CYP39A1: variants seen among roughly 807,000 people sequenced by gnomAD.
CYP39A1 encodes the protein cytochrome P450 family 39 subfamily A member 1, also known as 24-hydroxycholesterol 7-alpha-hydroxylase.
In CYP39A1, 49 loss-of-function variants were observed where a neutral mutation model predicts 58.1. The observed-to-expected ratio is 0.84, with a 90% confidence interval of 0.67 to 1.07. CYP39A1 has a LOEUF of 1.07. CYP39A1 is among the 50% of genes least tolerant of loss of function. The pLI is 0.00. For synonymous variants in CYP39A1, 209 were observed against 187.6 expected (o/e 1.11, Z -0.93); for missense variants, 531 against 539.4 (o/e 0.98, Z 0.16).
At chr6:46,567,112 G>A (rs924313008) in intron 10 of CYP39A1, among the ~76,000 whole-genome samples, 1 of 152,010 alleles carries the variant, frequency 6.6e-6, no homozygotes, top group South Asian at 2.1e-4. Context: ...TCTTGTAACT[G>A]AAAGCTTGTA....
At chr6:46,585,906 G>C (rs1643802814) in intron 10 of CYP39A1, among the ~76,000 whole-genome samples, 1 of 152,008 alleles carries the variant, frequency 6.6e-6, no homozygotes, top group African/African-American at 2.4e-5. Context: ...ATGCTTCCTT[G>C]TTCATATCCA....
At position 46,639,518 on chromosome 6, in the gene CYP39A1, G is replaced by A. The variant is rs1470945525; in HGVS notation, c.464C>T (p.Thr155Ile). ...EQLENLGTHG[T>I]MDLNNLVRHL... ...CCTTACTAAGTTGTTCAGGTCCATT[G>A]TCCCATGAGTGCCTAAATTCTCCAG... The change falls in exon 3 of 12, where the codon ACA becomes ATA. Residue 155 changes from threonine to isoleucine, a missense_variant. Coordinates refer to ENST00000275016, the MANE Select transcript of CYP39A1 (RefSeq NM_016593.5). 6.2e-7 allele frequency: 1 copy of A among 1,614,028 alleles called. No homozygotes were observed. Among genetic ancestry groups the A allele is most frequent in the South Asian group, 1.1e-5 (1 of 91,082 alleles).
chr6:46,582,768 T>C (rs562554760), intron 10 of CYP39A1, among the ~76,000 whole-genome samples: 46 of 152,190 alleles, frequency 3.0e-4, no homozygotes, highest in Non-Finnish European at 2.6e-4. Flanking sequence ...TCTTTGACTC[T>C]TCCCAGTTTT....
At chr6:46,581,925 T>G (rs1772155975) in intron 10 of CYP39A1, among the ~76,000 whole-genome samples, 1 of 152,216 alleles carries the variant, frequency 6.6e-6, no homozygotes, top group African/African-American at 2.4e-5. Context: ...CAATGGTTTC[T>G]ATGCTCCTTT....
chr6:46,642,335 T>A (rs775473124), intron 1 of CYP39A1, 37 bp from the exon 2 acceptor site: 2 of 1,584,860 alleles, frequency 1.3e-6, no homozygotes, highest in South Asian at 2.3e-5. Context: ...TTAGTAAGCA[T>A]TCCTAAGCCA....
intron 1 of CYP39A1, among the ~76,000 whole-genome samples, chr6:46,649,347 A>G (rs929286924): frequency 6.6e-6 from 1 of 152,246 alleles, no homozygotes; most frequent in Non-Finnish European, 1.5e-5. Flanking sequence ...CAGAAGTAAC[A>G]TCAGATCACT....
intron 7 of CYP39A1, among the ~76,000 whole-genome samples, chr6:46,622,405 A>C (rs1023121965): frequency 6.6e-6 from 1 of 152,044 alleles, no homozygotes; most frequent in South Asian, 2.1e-4. Context: ...ATAGCTCAAG[A>C]TGACAACCTG....
intron 8 of CYP39A1, 44 bp downstream of exon 8, chr6:46,595,943 T>A: frequency 6.3e-7 from 1 of 1,578,722 alleles, no homozygotes; most frequent in Non-Finnish European, 8.6e-7. Flanking sequence ...ATGTGTACTT[T>A]TTTTGTAGAA....
intron 10 of CYP39A1, among the ~76,000 whole-genome samples, chr6:46,566,911 T>C (rs1771321024): frequency 6.6e-6 from 1 of 151,922 alleles, no homozygotes; most frequent in Non-Finnish European, 1.5e-5. Context: ...TACACACACA[T>C]TGTGAAATGA....
chr6:46,631,883 G>C (rs1024781262), intron 5 of CYP39A1, among the ~76,000 whole-genome samples: 1 of 152,186 alleles, frequency 6.6e-6, no homozygotes, highest in African/African-American at 2.4e-5. Flanking sequence ...CTTTGCCAGT[G>C]ACGGCTCTCC....
chr6:46,622,472 A>G (rs1188607769), intron 7 of CYP39A1, among the ~76,000 whole-genome samples: 1 of 150,928 alleles, frequency 6.6e-6, no homozygotes, highest in Non-Finnish European at 1.5e-5. Context: ...ATGAAGCCCA[A>G]TATGCTGGCA....
At chr6:46,641,127 A>G (rs1427043163) in intron 2 of CYP39A1, among the ~76,000 whole-genome samples, 2 of 152,104 alleles carry the variant, frequency 1.3e-5, no homozygotes, top group Non-Finnish European at 2.9e-5. Flanking sequence ...ATATTTAAAC[A>G]TGAAAGTCCC....
intron 10 of CYP39A1, among the ~76,000 whole-genome samples, chr6:46,555,955 T>C (rs1308180278): frequency 6.6e-6 from 1 of 152,240 alleles, no homozygotes; most frequent in African/African-American, 2.4e-5. Context: ...GGTATCCATG[T>C]CTATGAAATA....
At chr6:46,550,501 G>T in intron 11 of CYP39A1, 64 bp from the exon 12 acceptor site, 1 of 1,418,048 alleles carries the variant, frequency 7.1e-7, no homozygotes, top group Admixed American at 2.1e-5. Context: ...TCAGACCTAA[G>T]GTTTATTCCA....
At chr6:46,612,282 G>A (rs558374044) in intron 7 of CYP39A1, among the ~76,000 whole-genome samples, 3 of 152,276 alleles carry the variant, frequency 2.0e-5, no homozygotes, top group African/African-American at 7.2e-5. Flanking sequence ...TCTCTCCTGG[G>A]CCAGGTATTA....
chr6:46,585,358 G>C (rs796718053), intron 10 of CYP39A1, among the ~76,000 whole-genome samples: 4 of 152,108 alleles, frequency 2.6e-5, no homozygotes, highest in African/African-American at 9.6e-5. Flanking sequence ...TAGATAGATA[G>C]ATAGACAGAC....
At chr6:46,575,811 T>A (rs1338354843) in intron 10 of CYP39A1, among the ~76,000 whole-genome samples, 1 of 152,184 alleles carries the variant, frequency 6.6e-6, no homozygotes, top group Admixed American at 6.5e-5. Flanking sequence ...CCAGGAGTGA[T>A]GAGCTGAGCC....
At chr6:46,553,717 A>T (rs765288128) in intron 11 of CYP39A1, 50 bp downstream of exon 11, 1 of 1,245,656 alleles carries the variant, frequency 8.0e-7, no homozygotes, top group Non-Finnish European at 1.2e-6. Context: ...GGGGGTGGTT[A>T]TGTCATATTT....
intron 10 of CYP39A1, among the ~76,000 whole-genome samples, chr6:46,558,431 C>T (rs1189789291): frequency 1.3e-5 from 2 of 152,102 alleles, no homozygotes; most frequent in Admixed American, 6.5e-5. Context: ...CACTTTTACA[C>T]CATCATATCT....
Sources: gnomAD v4.1 joint callset for allele counts (sites outside exome capture counted in the v4.1 genomes callset) on GRCh38, gnomAD v4.1.1 for gene constraint, MANE v1.5 for transcripts, NCBI Gene and HGNC (gene_info 2026-07-23, HGNC 2026-07-21) for gene names.